The following C8orf34 variants were observed in gnomAD, a reference collection of about 807,000 sequenced individuals.
The protein encoded by C8orf34 is chromosome 8 open reading frame 34.
C8orf34 carries 65 observed loss-of-function variants against 68.3 expected under a neutral mutation model. The ratio of observed to expected loss-of-function variants is 0.95; its 90% CI spans 0.78 to 1.17. C8orf34 has a LOEUF of 1.17. Among genes scored for constraint, C8orf34 ranks in the 50% most tolerant of loss-of-function variants. C8orf34 has a pLI of 0.00. For synonymous variants in C8orf34, 244 were observed against 241.2 expected (o/e 1.01, Z -0.11); for missense variants, 664 against 655.4 (o/e 1.01, Z -0.14).
At position 68,439,661 on chromosome 8, in the gene C8orf34, T is replaced by A. The variant is rs114278105; in HGVS notation, c.475+15T>A. The A allele has an allele frequency of 5.1e-4, 819 of 1,594,684 alleles. 4 individuals carry two copies. The African/African-American group carries it at 0.01, about 20-fold the overall frequency. ...TGAAAAATCAGGTAAATGAAGAATG[T>A]CTATGCAGTTAATTTGGGATTCATT... On this transcript the variant is annotated intron_variant, in intron 2 of 13. Coordinates refer to ENST00000518698, the MANE Select transcript of C8orf34 (RefSeq NM_052958.4).
At chr8:68,502,757 G>C (rs918377518) in intron 5 of C8orf34, among the ~76,000 whole-genome samples, 1 of 152,106 alleles carries the variant, frequency 6.6e-6, no homozygotes, top group South Asian at 2.1e-4. Flanking sequence ...TTACCATTTG[G>C]CAATGGTAGT....
At chr8:68,749,112 T>A (rs1163504395) in intron 10 of C8orf34, among the ~76,000 whole-genome samples, 12 of 147,260 alleles carry the variant, frequency 8.1e-5, no homozygotes, top group African/African-American at 1.5e-4. Context: ...TTGGAAATCA[T>A]CATTCTCAGT....
intron 1 of C8orf34, 51 bp from the exon 2 acceptor site, chr8:68,439,448 T>A (rs1810803781): frequency 1.9e-6 from 3 of 1,572,312 alleles, no homozygotes; most frequent in Non-Finnish European, 2.6e-6. Context: ...TGCTTGCTAT[T>A]ACTGTTGCTG....
In C8orf34 at chr8:68,388,976, C is replaced by T. The variant is rs373728243; in HGVS notation, c.328-50523C>T. Among the ~76,000 whole-genome samples, 52 of 152,214 alleles carry T rather than the reference C, an allele frequency of 3.4e-4. No homozygotes were observed. In the South Asian group the frequency reaches 4.6e-3, roughly 13 times the overall value. ...TCTGTCACATAACTGTACTGCAACTCTTTTGTATTGTCAGTTGATGAAGAA... is the reference window on the plus strand; with the variant it reads ...TCTGTCACATAACTGTACTGCAACTTTTTTGTATTGTCAGTTGATGAAGAA... On this transcript the variant is annotated intron_variant, in intron 1 of 13. Transcript: ENST00000518698.
chr8:68,797,515 C>A (rs73283856), intron 12 of C8orf34, among the ~76,000 whole-genome samples: 161 of 151,358 alleles, frequency 1.1e-3, no homozygotes, highest in African/African-American at 3.7e-3. Context: ...CATTGGCCAC[C>A]CAGAATGTGG....
intron 3 of C8orf34, among the ~76,000 whole-genome samples, chr8:68,460,355 G>A (rs1388909468): frequency 6.6e-6 from 1 of 152,226 alleles, no homozygotes; most frequent in Non-Finnish European, 1.5e-5. Context: ...CTCCACCTCT[G>A]GGGGCAGGGC....
At chr8:68,333,820 C>T (rs1805733350) in intron 1 of C8orf34, among the ~76,000 whole-genome samples, 1 of 152,216 alleles carries the variant, frequency 6.6e-6, no homozygotes, top group Non-Finnish European at 1.5e-5. Flanking sequence ...TTGAAATTGG[C>T]CGCTTCATGT....
intron 1 of C8orf34, among the ~76,000 whole-genome samples, chr8:68,379,694 G>T (rs891881136): frequency 6.6e-6 from 1 of 152,060 alleles, no homozygotes; most frequent in African/African-American, 2.4e-5. Context: ...AAGCAAACGT[G>T]TACAAAAAGC....
intron 12 of C8orf34, among the ~76,000 whole-genome samples, chr8:68,810,753 G>C: frequency 6.6e-6 from 1 of 152,122 alleles, no homozygotes; most frequent in East Asian, 1.9e-4. Flanking sequence ...CCTGACATCT[G>C]CTCAGCTCTC....
chr8:68,616,043 A>G (rs910353174), intron 7 of C8orf34, among the ~76,000 whole-genome samples: 12 of 151,324 alleles, frequency 7.9e-5, no homozygotes, highest in Admixed American at 7.9e-4. Flanking sequence ...CGAGGAATTT[A>G]TCCATTTCTT....
chr8:68,736,098 A>G (rs1822114349), intron 10 of C8orf34, among the ~76,000 whole-genome samples: 3 of 152,148 alleles, frequency 2.0e-5, no homozygotes, highest in Admixed American at 2.0e-4. Context: ...AAAATAAATC[A>G]TCTTTTGTAT....
chr8:68,564,261 A>G (rs1816519455), intron 7 of C8orf34, among the ~76,000 whole-genome samples: 1 of 152,216 alleles, frequency 6.6e-6, no homozygotes, highest in South Asian at 2.1e-4. Flanking sequence ...CTCCAAAAAG[A>G]GTGACCATAT....
intron 1 of C8orf34, among the ~76,000 whole-genome samples, chr8:68,351,816 C>T (rs138247455): frequency 3.5e-4 from 54 of 152,214 alleles, no homozygotes; most frequent in Non-Finnish European, 6.2e-4. Context: ...TGAATTTCCA[C>T]CAGCAAAGAA....
chr8:68,373,083 C>T (rs1423513828), intron 1 of C8orf34, among the ~76,000 whole-genome samples: 2 of 152,182 alleles, frequency 1.3e-5, no homozygotes, highest in African/African-American at 4.8e-5. Flanking sequence ...GCAACCTCCA[C>T]CTCCTGCATT....
intron 9 of C8orf34, among the ~76,000 whole-genome samples, chr8:68,715,302 C>T (rs957943011): frequency 1.3e-5 from 2 of 152,090 alleles, no homozygotes; most frequent in Admixed American, 6.6e-5. Context: ...AGCTTCTGCA[C>T]AGCCAAAGAA....
At chr8:68,402,236 G>A (rs2263128) in intron 1 of C8orf34, among the ~76,000 whole-genome samples, 96,529 of 151,862 alleles carry the variant, frequency 0.64, 30,738 homozygotes, top group African/African-American at 0.69. Context: ...TGTATTTGCA[G>A]GGTATCAGTT....
intron 1 of C8orf34, among the ~76,000 whole-genome samples, chr8:68,361,609 TC>T (rs1432832810): frequency 2.0e-5 from 3 of 152,240 alleles, no homozygotes; most frequent in Non-Finnish European, 4.4e-5. Flanking sequence ...ATTTTCCATT[TC>T]TGTTGTGCTT....
At chr8:68,795,242 T>G in intron 12 of C8orf34, among the ~76,000 whole-genome samples, 1 of 152,256 alleles carries the variant, frequency 6.6e-6, no homozygotes, top group East Asian at 1.9e-4. Flanking sequence ...GTTGTTTGAA[T>G]ATATTATAGT....
At chr8:68,752,822 C>G (rs1822746606) in intron 10 of C8orf34, among the ~76,000 whole-genome samples, 3 of 152,116 alleles carry the variant, frequency 2.0e-5, no homozygotes, top group Admixed American at 2.0e-4. Context: ...GAATTCTATA[C>G]TTCATAGATC....
Sources: allele counts gnomAD v4.1 joint callset (sites outside exome capture counted in the v4.1 genomes callset), GRCh38; gene constraint gnomAD v4.1.1; transcripts MANE v1.5; gene names NCBI Gene and HGNC (gene_info 2026-07-23, HGNC 2026-07-21).